GARIN5A: variants seen among roughly 807,000 people sequenced by gnomAD.
GARIN5A encodes golgi associated RAB2 interactor 5A.
chr19:50,472,096 A>ACGTG, the GARIN5A span, among the ~76,000 whole-genome samples: 1 of 141,038 alleles, frequency 7.1e-6, no homozygotes, highest in Admixed American at 6.9e-5. Context: ...GTATATGTAT[A>ACGTG]TGTATATATA....
At chr19:50,475,160 G>A in the GARIN5A span, 4 of 1,076,994 alleles carry the variant, frequency 3.7e-6, no homozygotes, top group African/African-American at 3.1e-5. Flanking sequence ...GCCCCTGAGG[G>A]CTGCTCTGTC....
At chr19:50,476,335 T>A in the GARIN5A span, 1 of 1,586,188 alleles carries the variant, frequency 6.3e-7, no homozygotes. Context: ...TGATTTGTGA[T>A]GACGTCCCTG....
the GARIN5A span, chr19:50,467,823 G>C: frequency 6.2e-7 from 1 of 1,613,018 alleles, no homozygotes; most frequent in South Asian, 1.1e-5. Flanking sequence ...ACTTCAAGGG[G>C]AACAGCCTGG....
At chr19:50,467,594 C>T in the GARIN5A span, 6 of 1,549,006 alleles carry the variant, frequency 3.9e-6, no homozygotes, top group Non-Finnish European at 5.2e-6. Flanking sequence ...TCATCATCAT[C>T]ACCCTCCCCA....
chr19:50,473,192 GA>G, the GARIN5A span, among the ~76,000 whole-genome samples: 1 of 152,182 alleles, frequency 6.6e-6, no homozygotes, highest in Non-Finnish European at 1.5e-5. Flanking sequence ...CACGAAATTA[GA>G]AAAGCAATCT....
At chr19:50,467,453 C>A in the GARIN5A span, 1 of 748,152 alleles carries the variant, frequency 1.3e-6, no homozygotes, top group Non-Finnish European at 2.1e-6. Flanking sequence ...CCCTCAGACC[C>A]AGGAGTCCAG....
At chr19:50,471,351 C>T in the GARIN5A span, among the ~76,000 whole-genome samples, 2 of 151,986 alleles carry the variant, frequency 1.3e-5, no homozygotes, top group Non-Finnish European at 2.9e-5. Flanking sequence ...CCACTGCAAC[C>T]TCCGACTCCT....
At chr19:50,467,956 T>C in the GARIN5A span, 7 of 788,136 alleles carry the variant, frequency 8.9e-6, no homozygotes, top group Admixed American at 2.3e-5. Flanking sequence ...TTTCATTGCC[T>C]CTTGAACTTG....
the GARIN5A span, chr19:50,476,277 C>T: frequency 4.4e-6 from 7 of 1,606,638 alleles, no homozygotes; most frequent in East Asian, 1.3e-4. Flanking sequence ...CGCACTGTGA[C>T]GTCATGATGC....
the GARIN5A span, chr19:50,476,317 C>A: frequency 6.3e-7 from 1 of 1,592,560 alleles, no homozygotes; most frequent in South Asian, 1.1e-5. Context: ...CACACAAGAG[C>A]GGGCTCCTGA....
At chr19:50,472,191 T>TATGTATACATGTGTATACGTATGTATAC in the GARIN5A span, among the ~76,000 whole-genome samples, 1 of 145,984 alleles carries the variant, frequency 6.9e-6, no homozygotes, top group Non-Finnish European at 1.5e-5. Context: ...TGTATACATG[T>TATGTATACATGTGTATACGTATGTATAC]ATGTGTGCAT....
the GARIN5A span, among the ~76,000 whole-genome samples, chr19:50,468,727 C>T: frequency 6.6e-6 from 1 of 152,144 alleles, no homozygotes; most frequent in Admixed American, 6.6e-5. Flanking sequence ...CCTCGGCCTC[C>T]AGAGCAGCTG....
chr19:50,475,745 C>T, the GARIN5A span: 34 of 952,748 alleles, frequency 3.6e-5, no homozygotes, highest in South Asian at 4.4e-4. Flanking sequence ...ACGAGATGGA[C>T]GTTATGGGGG....
At chr19:50,475,238 T>G in the GARIN5A span, 6 of 1,455,574 alleles carry the variant, frequency 4.1e-6, no homozygotes, top group South Asian at 1.5e-5. Flanking sequence ...GCCCTGGGGG[T>G]GGTCTGGACG....
At chr19:50,467,479 C>A in the GARIN5A span, 53 of 957,148 alleles carry the variant, frequency 5.5e-5, no homozygotes, top group Middle Eastern at 1.2e-3. Flanking sequence ...AAGCTCTCTC[C>A]TCTCTTAGAC....
At chr19:50,476,540 C>T in the GARIN5A span, 9 of 1,571,808 alleles carry the variant, frequency 5.7e-6, no homozygotes, top group Middle Eastern at 2.3e-4. Flanking sequence ...TGGGAAGAAG[C>T]CGAGATGGCG....
chr19:50,475,040 C>CT, the GARIN5A span, among the ~76,000 whole-genome samples: 22 of 152,154 alleles, frequency 1.4e-4, no homozygotes, highest in African/African-American at 5.1e-4. Flanking sequence ...TATGCGCGGC[C>CT]TAGGGGCGTC....
the GARIN5A span, among the ~76,000 whole-genome samples, chr19:50,468,218 C>T: frequency 2.0e-5 from 3 of 151,972 alleles, 1 homozygote; most frequent in African/African-American, 7.2e-5. Flanking sequence ...AAAAATTAGC[C>T]GGGCGTGGTA....
the GARIN5A span, chr19:50,475,955 C>T: frequency 1.7e-5 from 27 of 1,610,848 alleles, no homozygotes; most frequent in Non-Finnish European, 2.0e-5. Context: ...AGGCATTTTA[C>T]CAGGACGAAG....
Sources: allele counts gnomAD v4.1 joint callset (sites outside exome capture counted in the v4.1 genomes callset), GRCh38; gene constraint gnomAD v4.1.1; transcripts MANE v1.5; gene names NCBI Gene and HGNC (gene_info 2026-07-23, HGNC 2026-07-21).